The following SPON1 variants were observed in gnomAD, a reference collection of about 807,000 sequenced individuals.
The protein encoded by SPON1 is spondin 1, also known as spondin-1.
A neutral mutation model predicts 111.7 loss-of-function variants in SPON1; 52 were observed. That is an observed-to-expected ratio of 0.47 (90% CI 0.37 to 0.59). The LOEUF (loss-of-function observed/expected upper bound fraction) is 0.59, where lower values mean the gene tolerates loss of function less well. Among genes scored for constraint, SPON1 ranks in the 20% least tolerant of loss-of-function variants. SPON1 has a pLI of 0.00. For missense variants in SPON1, 957 were observed against 1,068.5 expected (o/e 0.90, Z 1.46); for synonymous variants, 410 against 395.8 (o/e 1.04, Z -0.43).
intron 1 of SPON1, among the ~76,000 whole-genome samples, chr11:13,973,202 T>C (rs1343671580): frequency 6.6e-6 from 1 of 152,226 alleles, no homozygotes; most frequent in South Asian, 2.1e-4. Flanking sequence ...CCAGGGAAGA[T>C]TGTGATTAGT....
Position 14,262,832 on chromosome 11 carries a change from G to A in SPON1, c.2117G>A (p.Cys706Tyr), listed in dbSNP as rs1554942047. 1 of 1,613,798 alleles carries A rather than the reference G, an allele frequency of 6.2e-7. No individual in the cohort carries two copies. Among genetic ancestry groups the A allele is most frequent in the African/African-American group, 1.3e-5 (1 of 74,900 alleles). The change falls in exon 15 of 16, where the codon TGC becomes TAC. Residue 706 changes from cysteine (C) to tyrosine (Y), a missense_variant. Around this residue, in one of 5 missense-constraint regions of SPON1, gnomAD observed 549 missense variants for 606.2 expected, o/e 0.91. Transcript: ENST00000576479. ...QMEPQFGGAP[C>Y]PETVQRKKCR... ...GAGCCTCAGTTTGGAGGTGCACCCT[G>A]CCCAGAGACTGTGCAGCGAAAAAAG...
chr11:14,058,258 T>C (rs1554919474), intron 3 of SPON1, among the ~76,000 whole-genome samples: 1 of 152,030 alleles, frequency 6.6e-6, no homozygotes, highest in Non-Finnish European at 1.5e-5. Context: ...GTAGTGTGTG[T>C]ATACTAAGCA....
chr11:14,171,641 T>A (rs1848102170), intron 6 of SPON1, among the ~76,000 whole-genome samples: 1 of 152,170 alleles, frequency 6.6e-6, no homozygotes, highest in African/African-American at 2.4e-5. Flanking sequence ...TGCTATAAAT[T>A]TCCCTCTACA....
Position 13,962,792 on chromosome 11 carries a change from A to C in SPON1, c.-113A>C. ...CTCCGAGTCGCGGACGCCAGCTCCGAGCTCCCTCTCTCCGCCGCGCCTCCG... is the reference window on the plus strand; with the variant it reads ...CTCCGAGTCGCGGACGCCAGCTCCGCGCTCCCTCTCTCCGCCGCGCCTCCG... On this transcript the variant is annotated 5_prime_UTR_variant, in exon 1 of 16. Coordinates refer to ENST00000576479, the MANE Select transcript of SPON1 (RefSeq NM_006108.4). The C allele has an allele frequency of 9.8e-7, 1 of 1,017,042 alleles. No homozygotes were observed. Among genetic ancestry groups the C allele is most frequent in the Non-Finnish European group, 1.3e-6 (1 of 742,502 alleles). The allele number at this position is 1,017,042 out of a possible 1,614,324, so 63.0% of individuals were successfully genotyped here.
At chr11:14,182,297 G>A (rs1214134952) in intron 6 of SPON1, among the ~76,000 whole-genome samples, 1 of 152,308 alleles carries the variant, frequency 6.6e-6, no homozygotes, top group South Asian at 2.1e-4. Flanking sequence ...TAACACACCT[G>A]TAAGTCAAAA....
rs557369102 is a variant in SPON1, at chr11:14,207,214, A to G, written c.826-36118A>G. On this transcript the variant is annotated intron_variant, in intron 6 of 15. Transcript: ENST00000576479. Reference sequence around the variant, plus strand: ...AAGATTGAAACTGGACCTCTTCATTACACCATATACAAAAATTAACTCAAG... The same window carrying G: ...AAGATTGAAACTGGACCTCTTCATTGCACCATATACAAAAATTAACTCAAG... Among the ~76,000 whole-genome samples the G allele has an allele frequency of 3.3e-5, 5 of 152,344 alleles. No homozygotes were observed. In the South Asian group the frequency reaches 1.0e-3, roughly 32 times the overall value.
intron 5 of SPON1, among the ~76,000 whole-genome samples, chr11:14,125,014 C>G (rs1847438427): frequency 6.6e-6 from 1 of 152,152 alleles, no homozygotes; most frequent in Non-Finnish European, 1.5e-5. Context: ...ACAGACTTCC[C>G]CATGCATGGC....
intron 6 of SPON1, among the ~76,000 whole-genome samples, chr11:14,149,269 A>T (rs1847760361): frequency 6.6e-6 from 1 of 152,152 alleles, no homozygotes; most frequent in African/African-American, 2.4e-5. Flanking sequence ...CACATTTTTT[A>T]AAATGTGTGT....
At chr11:14,107,989 G>C (rs1849198402) in intron 5 of SPON1, among the ~76,000 whole-genome samples, 1 of 152,154 alleles carries the variant, frequency 6.6e-6, no homozygotes, top group Non-Finnish European at 1.5e-5. Flanking sequence ...TGTAAAGCAG[G>C]GATAATCAAA....
At chr11:14,009,139 C>T (rs184913240) in intron 2 of SPON1, among the ~76,000 whole-genome samples, 144 of 152,226 alleles carry the variant, frequency 9.5e-4, no homozygotes, top group African/African-American at 3.3e-3. Flanking sequence ...TCCCTGTGTC[C>T]TCATCATCTT....
rs144222757 is a variant in SPON1, at chr11:14,004,656, T to C, written c.345+21703T>C. Among the ~76,000 whole-genome samples the C allele has an allele frequency of 7.9e-5, 12 of 152,368 alleles. No homozygotes were observed. In the East Asian group the frequency reaches 2.1e-3, roughly 27 times the overall value. The stretch of plus-strand genomic sequence containing the variant: ...TCTTTGGAAAAAATGTCTGTTCAGG[T>C]TATTTGCCCATTTTTTAGTTGGGTT... On this transcript the variant is annotated intron_variant, in intron 2 of 15. Transcript: ENST00000576479.
intron 6 of SPON1, among the ~76,000 whole-genome samples, chr11:14,147,122 C>T (rs1466161378): frequency 1.4e-4 from 20 of 140,412 alleles, no homozygotes; most frequent in Admixed American, 9.1e-4. Context: ...CTCCACCTCC[C>T]GGGTTCAAGC....
chr11:14,054,130 T>C (rs560671901), intron 3 of SPON1, among the ~76,000 whole-genome samples: 1 of 152,338 alleles, frequency 6.6e-6, no homozygotes, highest in Non-Finnish European at 1.5e-5. Flanking sequence ...CATAATTAAT[T>C]ATTGTGGGCT....
intron 5 of SPON1, among the ~76,000 whole-genome samples, chr11:14,108,323 G>C (rs1564907027): frequency 6.6e-6 from 1 of 151,834 alleles, no homozygotes; most frequent in African/African-American, 2.4e-5. Context: ...TTCTAGCCTT[G>C]TCCTGCTACC....
At chr11:13,980,181 C>T (rs1182852258) in intron 1 of SPON1, among the ~76,000 whole-genome samples, 1 of 152,086 alleles carries the variant, frequency 6.6e-6, no homozygotes, top group African/African-American at 2.4e-5. Context: ...GCTGGGATTA[C>T]AGGCATGTGC....
intron 2 of SPON1, among the ~76,000 whole-genome samples, chr11:14,037,724 T>C (rs1848604848): frequency 2.0e-5 from 3 of 152,182 alleles, no homozygotes; most frequent in Admixed American, 2.0e-4. Flanking sequence ...AAGAAATAAT[T>C]GATAAGTTGG....
At chr11:14,071,687 G>T (rs577856119) in intron 3 of SPON1, among the ~76,000 whole-genome samples, 1 of 152,146 alleles carries the variant, frequency 6.6e-6, no homozygotes, top group Admixed American at 6.5e-5. Flanking sequence ...ACAGAACTCA[G>T]GGAGGATAAA....
chr11:14,257,565 G>A (rs1248209530), intron 10 of SPON1, 151 bp from the exon 11 acceptor site: 4 of 561,496 alleles, frequency 7.1e-6, no homozygotes, highest in Non-Finnish European at 9.1e-6. Flanking sequence ...AAAGGGAAGT[G>A]GATGGCTGCT....
chr11:14,255,555 C>T (rs1287192303), intron 8 of SPON1, 92 bp from the exon 9 acceptor site: 1 of 1,169,024 alleles, frequency 8.6e-7, no homozygotes, highest in Admixed American at 2.1e-5. Context: ...AAATTCCTAT[C>T]AAGGACTTTG....
Sources: gnomAD v4.1 joint callset for allele counts (sites outside exome capture counted in the v4.1 genomes callset) on GRCh38, gnomAD v4.1.1 for gene constraint, gnomAD v4.1.1 regional missense constraint, MANE v1.5 for transcripts, NCBI Gene and HGNC (gene_info 2026-07-23, HGNC 2026-07-21) for gene names.